The following ARHGAP11B variants were observed in gnomAD, a reference collection of about 807,000 sequenced individuals.
The protein encoded by ARHGAP11B is inactive Rho GTPase-activating protein 11B.
In ARHGAP11B, 14 loss-of-function variants were observed where a neutral mutation model predicts 27.6. The ratio of observed to expected loss-of-function variants is 0.51; its 90% CI spans 0.34 to 0.79. The LOEUF (loss-of-function observed/expected upper bound fraction) is 0.79, where lower values mean the gene tolerates loss of function less well. Among genes scored for constraint, ARHGAP11B ranks in the 30% least tolerant of loss-of-function variants. The pLI is 0.02. For synonymous variants in ARHGAP11B, 82 were observed against 114.1 expected, an observed-to-expected ratio of 0.72 and a Z score of 1.80; for missense variants, 245 against 320.1, an observed-to-expected ratio of 0.77 and a Z score of 1.79.
At chr15:30,629,368 C>A (rs967735099) in intron 1 of ARHGAP11B, among the ~76,000 whole-genome samples, 2 of 151,824 alleles carry the variant, frequency 1.3e-5, no homozygotes, top group Non-Finnish European at 1.5e-5. Context: ...ACGGTGAACC[C>A]CCCCCGCCCC....
rs1323710260 is a variant in ARHGAP11B at position 30,634,238 on chromosome 15, G to A, written c.366G>A (p.Lys122=). ...CTTGTGATATTGCGGGACTTCTTAA[G>A]CAGTTTTTTAGGGAACTGCCAGAGC... is the stretch of plus-strand genomic sequence containing the variant. Residue 122 remains lysine, a synonymous_variant, in exon 4 of 11, where the codon AAG becomes AAA. Transcript: ENST00000428041. 21 of 1,611,866 alleles carry A rather than the reference G, an allele frequency of 1.3e-5. 1 individual carries two copies. Among genetic ancestry groups the A allele is most frequent in the Non-Finnish European group, 1.6e-5 (19 of 1,178,796 alleles).
In ARHGAP11B at chr15:30,640,818, G is replaced by T. The variant is rs1230226519; in HGVS notation, c.*78+1998G>T. Among the ~76,000 whole-genome samples the T allele has an allele frequency of 3.9e-5, 6 of 151,938 alleles. 1 individual carries two copies. In the East Asian group the frequency reaches 1.2e-3, roughly 30 times the overall value. ...TCTCTAGGGCTCATTGAAATGTGAT[G>T]ATAGTAACTCTGAAGCTTATGTCTG... On this transcript the variant is annotated intron_variant, in intron 7 of 10. Transcript: ENST00000428041.
At chr15:30,630,750 A>T in exon 2 of ARHGAP11B, 1 of 1,611,752 alleles carries the variant, frequency 6.2e-7, no homozygotes, top group Non-Finnish European at 8.5e-7. Context: ...ATTCTGCTGT[A>T]CCAGAATATG....
intron 6 of ARHGAP11B, among the ~76,000 whole-genome samples, chr15:30,637,666 G>A (rs147917141): frequency 0.025 from 3,737 of 151,964 alleles, 138 homozygotes; most frequent in African/African-American, 0.079. Flanking sequence ...CCTGGGAGGC[G>A]GAGGTTGTCG....
chr15:30,646,017 C>T (rs1450141165), intron 8 of ARHGAP11B: 1 of 206,902 alleles, frequency 4.8e-6, no homozygotes, highest in Non-Finnish European at 8.8e-6. Flanking sequence ...TTTTCTTTAT[C>T]CTCATCTTAG....
Position 30,628,072 on chromosome 15 carries a change from T to C in ARHGAP11B, c.129+1123T>C, listed in dbSNP as rs1489201977. Among the ~76,000 whole-genome samples the C allele has an allele frequency of 2.7e-5, 4 of 148,900 alleles. No individual in the cohort carries two copies. The Admixed American group carries it at 2.7e-4, about 10-fold the overall frequency. Reference sequence around the variant, plus strand: ...GGACTTTTTTTCACCCCTTTTCTTTTCTTTTCCTTTTTTTTTTTTTGTTTT... The same window carrying C: ...GGACTTTTTTTCACCCCTTTTCTTTCCTTTTCCTTTTTTTTTTTTTGTTTT... On this transcript the variant is annotated intron_variant, in intron 1 of 10. Transcript: ENST00000428041.
At chr15:30,644,207 T>C (rs577482554) in intron 7 of ARHGAP11B, among the ~76,000 whole-genome samples, 1 of 152,192 alleles carries the variant, frequency 6.6e-6, no homozygotes, top group Admixed American at 6.6e-5. Context: ...TTTTGTTGTT[T>C]ATCAAATGTT....
rs536356773 is a variant in ARHGAP11B at position 30,627,275 on chromosome 15, C to T, written c.129+326C>T. ...GTTTAGCGGGATGTCTGTCTTTTAC[C>T]CACTAGATGCTGGTAGCATCTCTCA... On this transcript the variant is annotated intron_variant, in intron 1 of 10. Transcript: ENST00000428041. Among the ~76,000 whole-genome samples, 5 of 151,910 alleles carry T rather than the reference C, an allele frequency of 3.3e-5. No homozygotes were observed. The South Asian group carries it at 8.3e-4, about 25-fold the overall frequency.
At chr15:30,632,598 A>G (rs1161861577) in intron 2 of ARHGAP11B, among the ~76,000 whole-genome samples, 2 of 151,268 alleles carry the variant, frequency 1.3e-5, no homozygotes, top group African/African-American at 2.4e-5. Context: ...GCACCAATAC[A>G]GCTGTATCAA....
chr15:30,626,537 G>C, exon 1 of ARHGAP11B: 1 of 488,446 alleles, frequency 2.0e-6, no homozygotes, highest in Non-Finnish European at 3.6e-6. Flanking sequence ...TATGTGAGTA[G>C]CTGAAAGCAT....
At chr15:30,641,392 A>G (rs1203845711) in intron 7 of ARHGAP11B, 2 of 150,954 alleles carry the variant, frequency 1.3e-5, no homozygotes, top group East Asian at 2.0e-4. Context: ...CTAGAGTGCA[A>G]TGGCACAATC....
chr15:30,628,048 G>A (rs1383227502), intron 1 of ARHGAP11B, among the ~76,000 whole-genome samples: 2 of 150,648 alleles, frequency 1.3e-5, no homozygotes, highest in African/African-American at 4.9e-5. Flanking sequence ...TTTGTATATG[G>A]ACTTTTTTTC....
At chr15:30,636,497 ACTAT>A (rs2060280370) in intron 6 of ARHGAP11B, among the ~76,000 whole-genome samples, 2 of 152,058 alleles carry the variant, frequency 1.3e-5, no homozygotes, top group East Asian at 3.9e-4. Flanking sequence ...AATGTTACTA[ACTAT>A]CCCAATCCCT....
At chr15:30,641,338 C>CTTT (rs561343093) in intron 7 of ARHGAP11B, among the ~76,000 whole-genome samples, 1 of 142,688 alleles carries the variant, frequency 7.0e-6, no homozygotes, top group African/African-American at 2.6e-5. Flanking sequence ...ATAATTGTCT[C>CTTT]TTTTTTTTTT....
At chr15:30,635,566 A>G (rs1436549377) in exon 6 of ARHGAP11B, 3 of 1,613,370 alleles carry the variant, frequency 1.9e-6, no homozygotes, top group Admixed American at 3.3e-5. Context: ...CATCACTGGA[A>G]GGCTTTGAAG....
chr15:30,643,299 G>A (rs2140907187), intron 7 of ARHGAP11B, among the ~76,000 whole-genome samples: 1 of 138,478 alleles, frequency 7.2e-6, no homozygotes, highest in African/African-American at 2.7e-5. Flanking sequence ...TTTTTTTTGA[G>A]ATGAAGTCTC....
chr15:30,645,260 G>A (rs1389564374), intron 8 of ARHGAP11B, among the ~76,000 whole-genome samples: 1 of 151,890 alleles, frequency 6.6e-6, no homozygotes, highest in Non-Finnish European at 1.5e-5. Context: ...ATTTTAAGCT[G>A]TTAAACTCAA....
exon 11 of ARHGAP11B, among the ~76,000 whole-genome samples, chr15:30,648,568 C>T (rs547817113): frequency 2.6e-4 from 40 of 152,120 alleles, no homozygotes; most frequent in African/African-American, 8.7e-4. Context: ...ATAACTACTT[C>T]ATAGATTTTT....
intron 6 of ARHGAP11B, among the ~76,000 whole-genome samples, chr15:30,636,612 G>A (rs974493754): frequency 1.3e-5 from 2 of 151,972 alleles, no homozygotes; most frequent in Non-Finnish European, 2.9e-5. Context: ...TTTTCCTAGG[G>A]CTACTGTAGC....
Sources: allele counts gnomAD v4.1 joint callset (sites outside exome capture counted in the v4.1 genomes callset), GRCh38; gene constraint gnomAD v4.1.1; transcripts MANE v1.5; gene names NCBI Gene and HGNC (gene_info 2026-07-23, HGNC 2026-07-21).